The following TVP23C variants were observed in gnomAD, a reference collection of about 807,000 sequenced individuals.
TVP23C encodes trans-golgi network vesicle protein 23 homolog C, also known as Golgi apparatus membrane protein TVP23 homolog C.
TVP23C carries 19 observed loss-of-function variants against 28.7 expected under a neutral mutation model. That is an observed-to-expected ratio of 0.66 (90% CI 0.46 to 0.97). TVP23C has a LOEUF of 0.97. TVP23C is among the 50% of genes least tolerant of loss of function. The probability of loss-of-function intolerance (pLI) is 0.00; values close to 1 mark genes in which losing one functional copy is unlikely to be tolerated. For synonymous variants in TVP23C, 68 were observed against 81.7 expected (o/e 0.83, Z 0.90); for missense variants, 186 against 241.3 (o/e 0.77, Z 1.52).
chr17:15,527,020 T>G (rs1475779943), intron 5 of TVP23C, among the ~76,000 whole-genome samples: 1 of 152,198 alleles, frequency 6.6e-6, no homozygotes, highest in Non-Finnish European at 1.5e-5. Context: ...TTACTCACGG[T>G]AAAGTTCCAG....
exon 6 of TVP23C, chr17:15,502,688 AGTTCCCT>A: frequency 9.1e-7 from 1 of 1,098,086 alleles, no homozygotes; most frequent in Non-Finnish European, 1.2e-6. Context: ...TAGTTTTACA[AGTTCCCT>A]GTTCGTTCGT....
At chr17:15,556,417 AGT>A (rs1984135369) in intron 1 of TVP23C, among the ~76,000 whole-genome samples, 1 of 143,846 alleles carries the variant, frequency 7.0e-6, no homozygotes, top group South Asian at 2.2e-4. Flanking sequence ...GCTGGAGTGC[AGT>A]GGCGTGGCCT....
chr17:15,557,651 A>C (rs1291169780), intron 1 of TVP23C, among the ~76,000 whole-genome samples: 1 of 143,536 alleles, frequency 7.0e-6, no homozygotes. Context: ...GCATTCAGCC[A>C]AGTGGTACAG....
Position 15,537,495 on chromosome 17 carries a change from T to G in TVP23C, c.*2917A>C, listed in dbSNP as rs1265895748. Reference sequence around the variant, plus strand: ...ATTCCTTAAACTATGATGATTCCACTTATATTAACTGGGCCTTAAGTAGAT... The same window carrying G: ...ATTCCTTAAACTATGATGATTCCACGTATATTAACTGGGCCTTAAGTAGAT... On this transcript the variant is annotated 3_prime_UTR_variant, in exon 6 of 6. Coordinates refer to ENST00000518321, the MANE Select transcript of TVP23C (RefSeq NM_001135036.2). 1.0e-6 allele frequency: 1 copy of G among 984,922 alleles called. No homozygotes were observed. Among genetic ancestry groups the G allele is most frequent in the Non-Finnish European group, 1.2e-6 (1 of 829,610 alleles). 61.0% of individuals were successfully genotyped at this position (984,922 alleles called of 1,614,324 possible). A position where few individuals can be genotyped will look rare whatever the true frequency, so the allele number is the denominator to read the frequency against.
chr17:15,543,427 T>C (rs1485572342), intron 5 of TVP23C, among the ~76,000 whole-genome samples: 2 of 150,914 alleles, frequency 1.3e-5, no homozygotes, highest in African/African-American at 4.9e-5. Flanking sequence ...ATACAGAAGA[T>C]AGGTGAAGAA....
At chr17:15,551,851 CG>C (rs1453764787) in intron 3 of TVP23C, among the ~76,000 whole-genome samples, 2 of 152,100 alleles carry the variant, frequency 1.3e-5, no homozygotes, top group African/African-American at 4.8e-5. Context: ...ATAACAATTA[CG>C]ACACATCTCC....
At chr17:15,526,460 GTTC>G (rs1342888974) in intron 5 of TVP23C, among the ~76,000 whole-genome samples, 10 of 152,152 alleles carry the variant, frequency 6.6e-5, no homozygotes, top group Admixed American at 2.0e-4. Context: ...AGCACTCATA[GTTC>G]TTCTTATGTC....
chr17:15,525,905 C>T (rs1982704276), intron 5 of TVP23C, among the ~76,000 whole-genome samples: 1 of 152,208 alleles, frequency 6.6e-6, no homozygotes, highest in Non-Finnish European at 1.5e-5. Context: ...TCAGTTTCCT[C>T]ATCTGTAAAA....
chr17:15,520,367 C>T (rs559288828), intron 5 of TVP23C, among the ~76,000 whole-genome samples: 5 of 148,510 alleles, frequency 3.4e-5, no homozygotes, highest in Non-Finnish European at 7.4e-5. Context: ...GATCACCTAA[C>T]GTCCTCTGGG....
In TVP23C at chr17:15,558,194, C is replaced by G. The variant is rs576983435; in HGVS notation, c.13-2830G>C. ...ATAAAAAGCTGAGGCCTTCTGCTCT[C>G]GATCCCAACAGTCTAATCGCCATCC... On this transcript the variant is annotated intron_variant, in intron 1 of 5. Transcript: ENST00000518321. 6.1e-5 allele frequency among the ~76,000 whole-genome samples: 9 copies of G among 147,704 alleles called. 1 individual carries two copies. The South Asian group carries it at 2.0e-3, about 33-fold the overall frequency.
At chr17:15,519,853 G>A (rs1982398264) in intron 5 of TVP23C, among the ~76,000 whole-genome samples, 1 of 152,240 alleles carries the variant, frequency 6.6e-6, no homozygotes, top group Non-Finnish European at 1.5e-5. Flanking sequence ...AGTGAGCCGA[G>A]ATCGCGCCAC....
chr17:15,510,222 G>C (rs1315522327), intron 5 of TVP23C, among the ~76,000 whole-genome samples: 1 of 152,174 alleles, frequency 6.6e-6, no homozygotes, highest in African/African-American at 2.4e-5. Flanking sequence ...GTAGAGAAGA[G>C]AGCTGGGCTG....
rs542535517 is a variant in TVP23C, at chr17:15,542,456, T to A, written c.463-1895A>T. Among the ~76,000 whole-genome samples, 25 of 152,148 alleles carry A rather than the reference T, an allele frequency of 1.6e-4. No individual in the cohort carries two copies. The South Asian group carries it at 5.2e-3, about 32-fold the overall frequency. On this transcript the variant is annotated intron_variant, in intron 5 of 5. Coordinates refer to ENST00000518321, the MANE Select transcript of TVP23C (RefSeq NM_001135036.2). ...CCTGTGGTCTTAACCCATTTATTTT[T>A]ATTATTTTTATTTATTTATTTTTAT...
At chr17:15,556,036 C>A (rs1984116293) in intron 1 of TVP23C, among the ~76,000 whole-genome samples, 1 of 152,206 alleles carries the variant, frequency 6.6e-6, no homozygotes, top group Non-Finnish European at 1.5e-5. Context: ...CCTGCTTCAG[C>A]CTTCCAAGTT....
chr17:15,503,347 A>G (rs4792619), intron 5 of TVP23C: 288,807 of 1,305,514 alleles, frequency 0.22, 33,926 homozygotes, highest in African/African-American at 0.42. Flanking sequence ...CGAAGCTGCA[A>G]TGAGCTGTGA....
chr17:15,530,495 C>T (rs911350153), intron 5 of TVP23C, among the ~76,000 whole-genome samples: 2 of 152,180 alleles, frequency 1.3e-5, no homozygotes, highest in Non-Finnish European at 2.9e-5. Flanking sequence ...ACCCTATCAA[C>T]ATTATTTCAT....
At chr17:15,519,470 T>C (rs1202445176) in intron 5 of TVP23C, among the ~76,000 whole-genome samples, 1 of 115,088 alleles carries the variant, frequency 8.7e-6, no homozygotes, top group African/African-American at 3.2e-5. Flanking sequence ...AGACCCCATC[T>C]CAAATAAATA....
At chr17:15,557,487 CAG>C (rs772715885) in intron 1 of TVP23C, among the ~76,000 whole-genome samples, 2 of 148,326 alleles carry the variant, frequency 1.3e-5, no homozygotes. Context: ...TTAGAAGAGA[CAG>C]AGTCTCACCA....
At chr17:15,548,821 C>G (rs1040437585) in intron 3 of TVP23C, among the ~76,000 whole-genome samples, 1 of 152,166 alleles carries the variant, frequency 6.6e-6, no homozygotes, top group Non-Finnish European at 1.5e-5. Context: ...CCTATAAGTA[C>G]ATACCTATGA....
Sources: gnomAD v4.1 joint callset for allele counts (sites outside exome capture counted in the v4.1 genomes callset) on GRCh38, gnomAD v4.1.1 for gene constraint, MANE v1.5 for transcripts, NCBI Gene and HGNC (gene_info 2026-07-23, HGNC 2026-07-21) for gene names.